Variants in ACTL8 observed in about 807,000 individuals in gnomAD.
ACTL8 encodes the protein actin-like protein 8.
Under a neutral mutation model 9.3 loss-of-function variants are expected in ACTL8, and 3 were observed. The ratio of observed to expected loss-of-function variants is 0.32; its 90% confidence interval spans 0.15 to 0.83. The LOEUF (loss-of-function observed/expected upper bound fraction) is 0.83. ACTL8 is among the 40% of genes least tolerant of loss of function. The pLI is 0.57. For synonymous variants in ACTL8, 224 were observed against 205.9 expected (o/e 1.09, Z -0.75); for missense variants, 381 against 492.2 (o/e 0.77, Z 2.14).
chr1:17,807,906 T>C (rs967983940), intron 1 of ACTL8, among the ~76,000 whole-genome samples: 2 of 152,148 alleles, frequency 1.3e-5, no homozygotes, highest in Admixed American at 6.5e-5. Flanking sequence ...GACGGGTTGA[T>C]GGGTGCAGCA....
Position 17,800,550 on chromosome 1 carries a change from C to T in ACTL8, c.-24-22435C>T, listed in dbSNP as rs183133619. The stretch of plus-strand genomic sequence containing the variant: ...GACTTCGTTTGATGTTGAGTTGTTG[C>T]TCAGTGGCAAACTTCCTTGCCTTGG... On this transcript the variant is annotated intron_variant, in intron 1 of 2. Coordinates refer to ENST00000375406, the MANE Select transcript of ACTL8 (RefSeq NM_030812.3). 1.5e-4 allele frequency among the ~76,000 whole-genome samples: 22 copies of T among 145,840 alleles called. No homozygotes were observed. The South Asian group carries it at 3.3e-3, about 22-fold the overall frequency.
At chr1:17,810,577 T>C (rs2066387238) in intron 1 of ACTL8, among the ~76,000 whole-genome samples, 1 of 152,194 alleles carries the variant, frequency 6.6e-6, no homozygotes, top group Non-Finnish European at 1.5e-5. Flanking sequence ...TGTATAGTTC[T>C]CAGTTCTGAT....
rs551618127 is a variant in ACTL8, at chr1:17,788,377, G to A, written c.-25+32873G>A. Among the ~76,000 whole-genome samples, 8 of 152,298 alleles carry A rather than the reference G, an allele frequency of 5.3e-5. No homozygotes were observed. In the South Asian group the frequency reaches 1.5e-3, roughly 28 times the overall value. On this transcript the variant is annotated intron_variant, in intron 1 of 2. Coordinates refer to ENST00000375406, the MANE Select transcript of ACTL8 (RefSeq NM_030812.3). ...CCACAGCTCTGGACTGGGGCCGGGAGTCAAGGTGGGCTGCTGCCTCAGCTC... is the reference window on the plus strand; with the variant it reads ...CCACAGCTCTGGACTGGGGCCGGGAATCAAGGTGGGCTGCTGCCTCAGCTC...
At chr1:17,783,184 G>T (rs982458977) in intron 1 of ACTL8, among the ~76,000 whole-genome samples, 8 of 152,116 alleles carry the variant, frequency 5.3e-5, no homozygotes, top group African/African-American at 1.9e-4. Flanking sequence ...ATATGGTTTG[G>T]CTGTGTCCCC....
intron 1 of ACTL8, among the ~76,000 whole-genome samples, chr1:17,780,964 CTGAA>C (rs2066150915): frequency 6.6e-6 from 1 of 152,172 alleles, no homozygotes; most frequent in South Asian, 2.1e-4. Flanking sequence ...TGACCACAAT[CTGAA>C]TGGCTTGAGA....
chr1:17,771,801 G>A (rs982684483), intron 1 of ACTL8, among the ~76,000 whole-genome samples: 1 of 152,088 alleles, frequency 6.6e-6, no homozygotes, highest in South Asian at 2.1e-4. Context: ...CGTGCTCACC[G>A]GCTGGACAAA....
chr1:17,817,066 G>A (rs1456548301), intron 1 of ACTL8, among the ~76,000 whole-genome samples: 1 of 151,482 alleles, frequency 6.6e-6, no homozygotes, highest in Non-Finnish European at 1.5e-5. Context: ...TTTGTTTTTT[G>A]TTTTTTATTT....
At position 17,822,991 on chromosome 1, in the gene ACTL8, C is replaced by T; in HGVS notation, c.-18C>T. The T allele has an allele frequency of 6.2e-7, 1 of 1,606,116 alleles. No individual in the cohort carries two copies. Among genetic ancestry groups the T allele is most frequent in the Non-Finnish European group, 8.5e-7 (1 of 1,175,764 alleles). On this transcript the variant is annotated 5_prime_UTR_variant, in exon 2 of 3. Transcript: ENST00000375406. ...CCATCCTTTGCTTCCGCAGGTCCCACCCACCTCTGCCTCCGCCATGGCTGC... is the reference window on the plus strand; with the variant it reads ...CCATCCTTTGCTTCCGCAGGTCCCATCCACCTCTGCCTCCGCCATGGCTGC...
intron 1 of ACTL8, among the ~76,000 whole-genome samples, chr1:17,782,545 AT>A (rs989495285): frequency 1.3e-4 from 20 of 152,304 alleles, no homozygotes; most frequent in African/African-American, 4.8e-4. Context: ...TCTGTATTTT[AT>A]TTGACATGAA....
intron 1 of ACTL8, among the ~76,000 whole-genome samples, chr1:17,784,217 G>C (rs1225634992): frequency 6.6e-6 from 1 of 152,268 alleles, no homozygotes; most frequent in Middle Eastern, 3.4e-3. Flanking sequence ...TGGTGGAGTG[G>C]AGGAGAGAGA....
At chr1:17,773,593 C>T (rs1386883024) in intron 1 of ACTL8, among the ~76,000 whole-genome samples, 1 of 152,158 alleles carries the variant, frequency 6.6e-6, no homozygotes, top group South Asian at 2.1e-4. Flanking sequence ...CCGGTTCTGT[C>T]CTAGTTACTT....
intron 1 of ACTL8, among the ~76,000 whole-genome samples, chr1:17,776,945 A>G (rs182586435): frequency 2.9e-4 from 40 of 137,270 alleles, no homozygotes; most frequent in African/African-American, 1.0e-3. Context: ...GACTATAGGC[A>G]TCCACCACCG....
intron 2 of ACTL8, among the ~76,000 whole-genome samples, chr1:17,825,381 G>T (rs1299803145): frequency 6.6e-6 from 1 of 151,696 alleles, no homozygotes; most frequent in East Asian, 1.9e-4. Flanking sequence ...GGAGACAGTG[G>T]TGAATACGCA....
intron 1 of ACTL8, among the ~76,000 whole-genome samples, chr1:17,760,900 T>TGA: frequency 6.6e-6 from 1 of 152,330 alleles, no homozygotes; most frequent in South Asian, 2.1e-4. Context: ...GAGTTATTAC[T>TGA]GGCTATAAAA....
At chr1:17,785,183 A>T (rs2066187205) in intron 1 of ACTL8, among the ~76,000 whole-genome samples, 1 of 152,222 alleles carries the variant, frequency 6.6e-6, no homozygotes, top group Non-Finnish European at 1.5e-5. Flanking sequence ...AGGTACCCAG[A>T]AGAGCCAGTC....
chr1:17,824,114 A>G (rs983742733), intron 2 of ACTL8, among the ~76,000 whole-genome samples: 1 of 138,504 alleles, frequency 7.2e-6, no homozygotes, highest in Non-Finnish European at 1.6e-5. Flanking sequence ...TGATTTCAGC[A>G]GCAAGAGCGG....
intron 1 of ACTL8, among the ~76,000 whole-genome samples, chr1:17,810,938 C>G (rs1178503357): frequency 6.6e-6 from 1 of 152,150 alleles, no homozygotes; most frequent in African/African-American, 2.4e-5. Context: ...ATGAATTAAG[C>G]CTCTGTAAAC....
intron 1 of ACTL8, among the ~76,000 whole-genome samples, chr1:17,798,886 A>C (rs2066298132): frequency 6.6e-6 from 1 of 152,180 alleles, no homozygotes; most frequent in African/African-American, 2.4e-5. Context: ...CGACATCACT[A>C]GTCTTGTGCT....
At chr1:17,825,739 G>A (rs1361623485) in intron 2 of ACTL8, 28 bp from the exon 3 acceptor site, 29 of 1,599,494 alleles carry the variant, frequency 1.8e-5, no homozygotes, top group Non-Finnish European at 2.5e-5. Context: ...GGGGGGAAAT[G>A]CACTGAGTGA....
Sources: gnomAD v4.1 joint callset for allele counts (sites outside exome capture counted in the v4.1 genomes callset) on GRCh38, gnomAD v4.1.1 for gene constraint, MANE v1.5 for transcripts, NCBI Gene and HGNC (gene_info 2026-07-23, HGNC 2026-07-21) for gene names.